ENTHD1: variants seen among roughly 807,000 people sequenced by gnomAD.
ENTHD1 encodes the protein ENTH domain-containing protein 1.
A neutral mutation model predicts 39.1 loss-of-function variants in ENTHD1; 23 were observed. The observed-to-expected ratio is 0.59, with a 90% CI of 0.42 to 0.83. The LOEUF (loss-of-function observed/expected upper bound fraction) is 0.83. Among genes scored for constraint, ENTHD1 ranks in the 40% least tolerant of loss-of-function variants. The probability of loss-of-function intolerance (pLI) is 0.00; values close to 1 mark genes in which losing one functional copy is unlikely to be tolerated. For synonymous variants in ENTHD1, 230 were observed against 258.2 expected (o/e 0.89, Z 1.05); for missense variants, 624 against 705.4 (o/e 0.88, Z 1.31).
intron 5 of ENTHD1, among the ~76,000 whole-genome samples, chr22:39,798,444 T>C (rs540244955): frequency 2.6e-5 from 4 of 152,254 alleles, no homozygotes; most frequent in South Asian, 4.2e-4. Flanking sequence ...GTAGGACATG[T>C]TAGCTTTGAT....
At chr22:39,783,454 G>GA (rs1445335798) in intron 5 of ENTHD1, among the ~76,000 whole-genome samples, 1 of 151,890 alleles carries the variant, frequency 6.6e-6, no homozygotes, top group Non-Finnish European at 1.5e-5. Flanking sequence ...GAAGTCCTGA[G>GA]AAAAAAAGAA....
chr22:39,870,202 C>G (rs1048823190), intron 2 of ENTHD1, among the ~76,000 whole-genome samples: 2 of 151,582 alleles, frequency 1.3e-5, no homozygotes, highest in African/African-American at 4.8e-5. Flanking sequence ...TGTTTAATAT[C>G]TTTGCCATGT....
rs181234647 is a variant in ENTHD1, at chr22:39,875,310, G to T, written c.349+12090C>A. On this transcript the variant is annotated intron_variant, in intron 2 of 6. Coordinates refer to ENST00000325157, the MANE Select transcript of ENTHD1 (RefSeq NM_152512.4). ...AAAGAAATTCGGTCGGTCGCAGCCC[G>T]CTCGGGCCCGTTCGCGCCCGTCCTG... is the stretch of plus-strand genomic sequence containing the variant. 5.7e-4 allele frequency: 736 copies of T among 1,280,744 alleles called. 4 individuals carry two copies. The African/African-American group carries it at 9.4e-3, about 16-fold the overall frequency. 79.3% of individuals were successfully genotyped at this position (1,280,744 alleles called of 1,614,324 possible).
rs1233516288 is a variant in ENTHD1, at chr22:39,761,550, A to G, written c.1219+3673T>C. On this transcript the variant is annotated intron_variant, in intron 6 of 6. Transcript: ENST00000325157. ...CCTATGTCTTTTCCTCACCTTTTAGAACTCCAATTACATCAGTGTCAGACT... is the reference window on the plus strand; with the variant it reads ...CCTATGTCTTTTCCTCACCTTTTAGGACTCCAATTACATCAGTGTCAGACT... Among the ~76,000 whole-genome samples, 5 of 152,140 alleles carry G rather than the reference A, an allele frequency of 3.3e-5. No individual in the cohort carries two copies. In the East Asian group the frequency reaches 7.7e-4, roughly 23 times the overall value.
At chr22:39,857,310 C>T (rs1266993741) in intron 3 of ENTHD1, among the ~76,000 whole-genome samples, 3 of 151,684 alleles carry the variant, frequency 2.0e-5, no homozygotes, top group African/African-American at 4.8e-5. Flanking sequence ...GGCGTGATGG[C>T]GTATGCCTGT....
chr22:39,802,799 A>G (rs1181853753), intron 5 of ENTHD1, among the ~76,000 whole-genome samples: 1 of 152,194 alleles, frequency 6.6e-6, no homozygotes, highest in Non-Finnish European at 1.5e-5. Context: ...ACAGAGTGCC[A>G]TCACACACTC....
At chr22:39,819,301 G>A (rs2065759875) in intron 5 of ENTHD1, among the ~76,000 whole-genome samples, 1 of 152,004 alleles carries the variant, frequency 6.6e-6, no homozygotes, top group African/African-American at 2.4e-5. Context: ...GGAGGTGGAA[G>A]GTGCGGTGAG....
intron 5 of ENTHD1, among the ~76,000 whole-genome samples, chr22:39,766,019 CAAAAAA>C (rs11367784): frequency 1.2e-4 from 6 of 48,342 alleles, no homozygotes; most frequent in African/African-American, 2.9e-4. Context: ...CCCTCAGCTA[CAAAAAA>C]AAAAAAAAAA....
intron 3 of ENTHD1, among the ~76,000 whole-genome samples, chr22:39,861,490 A>G (rs1020289757): frequency 2.6e-5 from 4 of 152,148 alleles, no homozygotes; most frequent in African/African-American, 9.7e-5. Context: ...CAGTGAGCTG[A>G]GATAGTGCCA....
chr22:39,754,725 G>A (rs529174466), intron 6 of ENTHD1, among the ~76,000 whole-genome samples: 1 of 152,170 alleles, frequency 6.6e-6, no homozygotes, highest in African/African-American at 2.4e-5. Context: ...TAAGGCTCCT[G>A]GCTATCTCCC....
chr22:39,851,036 C>T (rs1436583760), intron 3 of ENTHD1, among the ~76,000 whole-genome samples: 3 of 152,088 alleles, frequency 2.0e-5, no homozygotes, highest in Non-Finnish European at 4.4e-5. Flanking sequence ...TGTAAACTCT[C>T]TTCGTTTTTT....
intron 3 of ENTHD1, among the ~76,000 whole-genome samples, chr22:39,857,443 CAAAAAAAAAAAA>C (rs71197196): frequency 4.0e-4 from 10 of 24,724 alleles, no homozygotes; most frequent in South Asian, 6.2e-3. Context: ...AACTCCGTCT[CAAAAAAAAAAAA>C]AAAAAAAAAA....
chr22:39,885,099 C>T (rs1326009084), intron 2 of ENTHD1, among the ~76,000 whole-genome samples: 4 of 152,150 alleles, frequency 2.6e-5, no homozygotes, highest in Non-Finnish European at 4.4e-5. Context: ...TGCATATCAC[C>T]TTTCTGATAA....
intron 3 of ENTHD1, among the ~76,000 whole-genome samples, chr22:39,845,376 T>C (rs1243372536): frequency 6.6e-6 from 1 of 152,206 alleles, no homozygotes; most frequent in Admixed American, 6.5e-5. Flanking sequence ...CCCTTAACCG[T>C]TATACTCTAC....
At chr22:39,763,456 C>G (rs1427242072) in intron 6 of ENTHD1, among the ~76,000 whole-genome samples, 1 of 152,160 alleles carries the variant, frequency 6.6e-6, no homozygotes, top group Non-Finnish European at 1.5e-5. Flanking sequence ...GCTCAAACTC[C>G]TACCGTGTCT....
At chr22:39,814,689 G>A (rs138694080) in intron 5 of ENTHD1, among the ~76,000 whole-genome samples, 3 of 152,252 alleles carry the variant, frequency 2.0e-5, no homozygotes, top group African/African-American at 7.2e-5. Context: ...AAATGATTCT[G>A]GGACAGCTGG....
chr22:39,830,247 G>C (rs185254536), intron 4 of ENTHD1, among the ~76,000 whole-genome samples: 1 of 151,958 alleles, frequency 6.6e-6, no homozygotes, highest in Non-Finnish European at 1.5e-5. Context: ...GGTAATTTTC[G>C]TATTTTTAGT....
At chr22:39,792,693 T>C (rs186812548) in intron 5 of ENTHD1, among the ~76,000 whole-genome samples, 13 of 152,264 alleles carry the variant, frequency 8.5e-5, no homozygotes, top group Non-Finnish European at 1.8e-4. Flanking sequence ...TCTTTCTCTA[T>C]TGCAATTTCC....
chr22:39,818,134 A>G (rs1312763481), intron 5 of ENTHD1, among the ~76,000 whole-genome samples: 3 of 152,128 alleles, frequency 2.0e-5, no homozygotes, highest in Non-Finnish European at 2.9e-5. Context: ...CAAAATACTC[A>G]TCCTTGAAAC....
Sources: gnomAD v4.1 joint callset for allele counts (sites outside exome capture counted in the v4.1 genomes callset) on GRCh38, gnomAD v4.1.1 for gene constraint, MANE v1.5 for transcripts, NCBI Gene and HGNC (gene_info 2026-07-23, HGNC 2026-07-21) for gene names.